Variants in MIS18A observed in about 807,000 individuals in gnomAD.
The protein encoded by MIS18A is protein Mis18-alpha.
In MIS18A, 14 loss-of-function variants were observed where a neutral mutation model predicts 25.0. The ratio of observed to expected loss-of-function variants is 0.56; its 90% CI spans 0.37 to 0.88. MIS18A has a LOEUF of 0.88. Among genes scored for constraint, MIS18A ranks in the 40% least tolerant of loss-of-function variants. The pLI, the probability that MIS18A is intolerant of heterozygous loss-of-function variation, is 0.00. For missense variants in MIS18A, 292 were observed against 290.8 expected, an observed-to-expected ratio of 1.00 and a Z score of -0.03; for synonymous variants, 134 against 118.6, an observed-to-expected ratio of 1.13 and a Z score of -0.84.
the MIS18A span, chr21:32,259,737 A>G: frequency 6.6e-6 from 1 of 152,232 alleles, no homozygotes; most frequent in Non-Finnish European, 1.5e-5. Flanking sequence ...CCACTCCGGC[A>G]TCTTGTTTCC....
At chr21:32,195,315 A>G in the MIS18A span, among the ~76,000 whole-genome samples, 224 of 152,332 alleles carry the variant, frequency 1.5e-3, 2 homozygotes, top group African/African-American at 5.3e-3. Flanking sequence ...TATGTGGCCT[A>G]TGTGCGTCAT....
the MIS18A span, among the ~76,000 whole-genome samples, chr21:32,211,472 C>A: frequency 6.6e-6 from 1 of 152,356 alleles, no homozygotes; most frequent in East Asian, 1.9e-4. Flanking sequence ...AGCTGTATTA[C>A]TTAACTGCCA....
the MIS18A span, among the ~76,000 whole-genome samples, chr21:32,193,494 AGATAGATAGATAGATAGATAGATAGATG>A: frequency 0.15 from 22,934 of 150,298 alleles, 1,842 homozygotes; most frequent in East Asian, 0.24. Flanking sequence ...ATAGATAGAT[AGATAGATAGATAGATAGATAGATAGATG>A]GATAGATCGA....
At chr21:32,269,650 A>C in intron 4 of MIS18A, 57 bp downstream of exon 4, 1 of 1,000,136 alleles carries the variant, frequency 1.0e-6, no homozygotes, top group Non-Finnish European at 1.6e-6. Context: ...GTGGGGGAGC[A>C]CTTCTTCACT....
At chr21:32,206,113 T>C in the MIS18A span, among the ~76,000 whole-genome samples, 1 of 152,202 alleles carries the variant, frequency 6.6e-6, no homozygotes, top group Non-Finnish European at 1.5e-5. Context: ...ACCCCTCTCA[T>C]GTGGTCCCAT....
the MIS18A span, among the ~76,000 whole-genome samples, chr21:32,185,392 T>C: frequency 6.6e-6 from 1 of 152,152 alleles, no homozygotes; most frequent in African/African-American, 2.4e-5. Context: ...AGGCCATGCT[T>C]CCAGAGGTAG....
At chr21:32,175,771 T>C in the MIS18A span, among the ~76,000 whole-genome samples, 15 of 151,892 alleles carry the variant, frequency 9.9e-5, no homozygotes, top group Non-Finnish European at 1.9e-4. Flanking sequence ...GATCACACCA[T>C]TGCACTCCAG....
the MIS18A span, among the ~76,000 whole-genome samples, chr21:32,223,165 G>A: frequency 6.6e-6 from 1 of 152,080 alleles, no homozygotes; most frequent in Admixed American, 6.6e-5. Flanking sequence ...ATGCCCACAT[G>A]AGAACATGGG....
At chr21:32,278,613 C>A (rs2031863816) in intron 1 of MIS18A, 68 bp downstream of exon 1, 1 of 1,419,172 alleles carries the variant, frequency 7.0e-7, no homozygotes, top group Non-Finnish European at 9.2e-7. Context: ...CCTCCCGGGC[C>A]GCCCACGCGC....
At chr21:32,275,385 T>G (rs867620653) in intron 1 of MIS18A, among the ~76,000 whole-genome samples, 1 of 152,202 alleles carries the variant, frequency 6.6e-6, no homozygotes, top group Non-Finnish European at 1.5e-5. Context: ...ATCTGCCAGA[T>G]AGTGAAATTG....
chr21:32,278,382 G>A (rs1019103700), intron 1 of MIS18A: 2 of 416,268 alleles, frequency 4.8e-6, no homozygotes, highest in East Asian at 4.0e-5. Flanking sequence ...TTTTTTTAGG[G>A]TCTTTAAAAG....
chr21:32,197,055 T>C, the MIS18A span, among the ~76,000 whole-genome samples: 7 of 152,314 alleles, frequency 4.6e-5, no homozygotes, highest in South Asian at 2.1e-4. Context: ...TAAAGACCTA[T>C]TGAGAATAAC....
chr21:32,278,506 G>C (rs2031860846), intron 1 of MIS18A, 175 bp downstream of exon 1: 7 of 669,002 alleles, frequency 1.0e-5, no homozygotes, highest in Non-Finnish European at 1.7e-5. Context: ...GAGAGCCAAA[G>C]TGGAGGGGTG....
downstream of MIS18A, among the ~76,000 whole-genome samples, chr21:32,263,546 A>G (rs1294470541): frequency 6.6e-6 from 1 of 152,234 alleles, no homozygotes; most frequent in Non-Finnish European, 1.5e-5. Context: ...GGTTGCAGTG[A>G]GCCCAGATCG....
chr21:32,275,844 A>C (rs992748417), intron 1 of MIS18A, among the ~76,000 whole-genome samples: 1 of 151,972 alleles, frequency 6.6e-6, no homozygotes, highest in Non-Finnish European at 1.5e-5. Flanking sequence ...ACTTCACTCC[A>C]GCCCCCAAAC....
chr21:32,193,582 AT>A, the MIS18A span, among the ~76,000 whole-genome samples: 1 of 152,194 alleles, frequency 6.6e-6, no homozygotes, highest in Non-Finnish European at 1.5e-5. Context: ...TGCGTAAATA[AT>A]TTTAAGAAAA....
intron 1 of MIS18A, among the ~76,000 whole-genome samples, chr21:32,276,653 G>C (rs4816429): frequency 0.25 from 38,159 of 151,672 alleles, 4,964 homozygotes; most frequent in East Asian, 0.39. Context: ...TTATAGGATT[G>C]GGTGCTGTAA....
chr21:32,180,714 T>A, the MIS18A span, among the ~76,000 whole-genome samples: 1 of 152,186 alleles, frequency 6.6e-6, no homozygotes, highest in Non-Finnish European at 1.5e-5. Flanking sequence ...GTCCTCCATA[T>A]CCTTGCCAAC....
intron 2 of MIS18A, among the ~76,000 whole-genome samples, chr21:32,271,647 T>C (rs549425281): frequency 4.3e-4 from 65 of 152,334 alleles, no homozygotes; most frequent in Non-Finnish European, 8.2e-4. Context: ...AGTCTCGCTA[T>C]GTTGCCCAGG....
Sources: gnomAD v4.1 joint callset for allele counts (sites outside exome capture counted in the v4.1 genomes callset) on GRCh38, gnomAD v4.1.1 for gene constraint, MANE v1.5 for transcripts, NCBI Gene and HGNC (gene_info 2026-07-23, HGNC 2026-07-21) for gene names.